EEF1AKMT1: variants seen among roughly 807,000 people sequenced by gnomAD.
EEF1AKMT1 encodes the protein N-6 adenine-specific DNA methyltransferase 2 (putative).
Under a neutral mutation model 21.0 loss-of-function variants are expected in EEF1AKMT1, and 18 were observed. The ratio of observed to expected loss-of-function variants is 0.86; its 90% CI spans 0.59 to 1.27. EEF1AKMT1 has a LOEUF of 1.27. Ranked by LOEUF, EEF1AKMT1 falls within the 50% of genes most tolerant of loss-of-function variation. The pLI, the probability that EEF1AKMT1 is intolerant of heterozygous loss-of-function variation, is 0.00. For synonymous variants in EEF1AKMT1, 109 were observed against 94.8 expected, an observed-to-expected ratio of 1.15 and a Z score of -0.87; for missense variants, 246 against 258.6, an observed-to-expected ratio of 0.95 and a Z score of 0.33.
chr13:20,760,773 CTT>C (rs34671169), intron 1 of EEF1AKMT1, among the ~76,000 whole-genome samples: 6,246 of 152,182 alleles, frequency 0.041, 302 homozygotes, highest in African/African-American at 0.11. Flanking sequence ...AATGGACACA[CTT>C]AATGCTGATG....
rs1491284836 is a variant in EEF1AKMT1 at position 20,748,725 on chromosome 13, GGT to G, written c.144+8728_144+8729del. 3.7e-3 allele frequency among the ~76,000 whole-genome samples: 253 copies of G among 68,642 alleles called. 4 individuals are homozygous for G. The highest frequency in any genetic ancestry group is 5.0e-3 in the Non-Finnish European group (189 of 38,058). The allele number at this position is 68,642 out of a possible 152,430, so 45.0% of individuals were successfully genotyped here. A position where few individuals can be genotyped will look rare whatever the true frequency, so the allele number is the denominator to read the frequency against. ...TCCTAATGTATAGTTGTTTTTTTTT[GGT>G]TTTTTTTTTTTTTTTTTTTTGAGAC... On this transcript the variant is annotated intron_variant, in intron 2 of 4. Coordinates refer to ENST00000382758, the MANE Select transcript of EEF1AKMT1 (RefSeq NM_001318939.2).
intron 2 of EEF1AKMT1, among the ~76,000 whole-genome samples, chr13:20,741,682 C>G (rs549837174): frequency 6.6e-6 from 1 of 152,034 alleles, no homozygotes; most frequent in Non-Finnish European, 1.5e-5. Flanking sequence ...GTCTCAATCT[C>G]TTGACTTCGT....
chr13:20,739,351 G>A (rs1356880049), intron 2 of EEF1AKMT1, among the ~76,000 whole-genome samples: 4 of 152,202 alleles, frequency 2.6e-5, no homozygotes, highest in East Asian at 1.9e-4. Flanking sequence ...CAAGAGGGTT[G>A]CCGCCGCTAA....
In EEF1AKMT1 at chr13:20,728,813, CAT is replaced by C. The variant is rs959157625; in HGVS notation, c.*265_*266del. The C allele has an allele frequency of 6.5e-6, 3 of 463,132 alleles. No homozygotes were observed. The highest frequency in any genetic ancestry group is 4.5e-5 in the South Asian group (2 of 44,428). 28.7% of individuals were successfully genotyped at this position (463,132 alleles called of 1,614,324 possible). On this transcript the variant is annotated 3_prime_UTR_variant, in exon 5 of 5. Transcript: ENST00000382758. ...ACACAACTGTTCTTCTGTTTTTACA[CAT>C]GTTAAATGAGGAGAGAAGATCAGGC... is the stretch of plus-strand genomic sequence containing the variant.
chr13:20,769,974 G>A (rs1034708533), intron 1 of EEF1AKMT1, among the ~76,000 whole-genome samples: 2 of 152,098 alleles, frequency 1.3e-5, no homozygotes, highest in Non-Finnish European at 2.9e-5. Context: ...AACATAAAAG[G>A]AGACTAAGTA....
At position 20,764,919 on chromosome 13, in the gene EEF1AKMT1, C is replaced by CTG. The variant is rs1181708175; in HGVS notation, c.-19-7303_-19-7302insCA. ...CACACACACACACACACACACACAC[C>CTG]CTAATTTTGAAGTGAGTTTCTTGTG... is the stretch of plus-strand genomic sequence containing the variant. On this transcript the variant is annotated intron_variant, in intron 1 of 4. Transcript: ENST00000382758. 2.4e-3 allele frequency among the ~76,000 whole-genome samples: 225 copies of CTG among 91,880 alleles called. 1 individual carries two copies. The highest frequency in any genetic ancestry group is 7.7e-3 in the African/African-American group (214 of 27,748). 60.3% of individuals were successfully genotyped at this position (91,880 alleles called of 152,430 possible).
At position 20,773,161 on chromosome 13, in the gene EEF1AKMT1, C is replaced by G. The variant is rs569634768; in HGVS notation, c.-20+760G>C. Among the ~76,000 whole-genome samples, 97 of 152,292 alleles carry G rather than the reference C, an allele frequency of 6.4e-4. 1 individual carries two copies. Among genetic ancestry groups the G allele is most frequent in the Admixed American group, 1.4e-3 (22 of 15,296 alleles). The stretch of plus-strand genomic sequence containing the variant: ...CTTGCTTTCCAGAATTCTATTTATC[C>G]TGTTTTTAAATTAACTTTAAAAAGG... On this transcript the variant is annotated intron_variant, in intron 1 of 4. Transcript: ENST00000382758.
chr13:20,732,812 T>A (rs747888196), intron 3 of EEF1AKMT1, among the ~76,000 whole-genome samples: 2 of 152,230 alleles, frequency 1.3e-5, no homozygotes, highest in Non-Finnish European at 2.9e-5. Context: ...CTAAATACTA[T>A]AAAGTCATTT....
At chr13:20,737,587 A>C (rs2058833503) in intron 3 of EEF1AKMT1, 136 bp downstream of exon 3, 2 of 688,242 alleles carry the variant, frequency 2.9e-6, no homozygotes, top group Admixed American at 5.5e-5. Flanking sequence ...AGCTGGTCTT[A>C]ATCTGTCATA....
At chr13:20,749,839 C>T (rs140515095) in intron 2 of EEF1AKMT1, among the ~76,000 whole-genome samples, 160 of 152,174 alleles carry the variant, frequency 1.1e-3, no homozygotes, top group Middle Eastern at 3.4e-3. Context: ...ACTCATAGTC[C>T]GAAGACTTTG....
chr13:20,730,619 G>A (rs2058787097), intron 4 of EEF1AKMT1, among the ~76,000 whole-genome samples: 1 of 152,210 alleles, frequency 6.6e-6, no homozygotes, highest in African/African-American at 2.4e-5. Flanking sequence ...ATCCCACTGA[G>A]AGGTGAAGCC....
Position 20,749,554 on chromosome 13 carries a change from A to G in EEF1AKMT1, c.144+7901T>C, listed in dbSNP as rs1410552559. ...TCTAAAATGTTTTTATTTTATCCTC[A>G]CACGAGTAATAGTTTAGCTGGGTAT... On this transcript the variant is annotated intron_variant, in intron 2 of 4. Transcript: ENST00000382758. Among the ~76,000 whole-genome samples, 3 of 152,156 alleles carry G rather than the reference A, an allele frequency of 2.0e-5. No individual in the cohort carries two copies. In the East Asian group the frequency reaches 5.8e-4, roughly 29 times the overall value.
chr13:20,762,286 G>T (rs370986044), intron 1 of EEF1AKMT1, among the ~76,000 whole-genome samples: 1 of 150,754 alleles, frequency 6.6e-6, no homozygotes, highest in Non-Finnish European at 1.5e-5. Context: ...GGGTTCAAGC[G>T]ATTCTCCCTG....
Position 20,762,693 on chromosome 13 carries a change from T to C in EEF1AKMT1, c.-19-5076A>G, listed in dbSNP as rs2059006923. Reference sequence around the variant, plus strand: ...CATGCCCGGCTAACATTTTTATTTTTTGTAGAGATGGGGTCCCACTCTGGT... The same window carrying C: ...CATGCCCGGCTAACATTTTTATTTTCTGTAGAGATGGGGTCCCACTCTGGT... On this transcript the variant is annotated intron_variant, in intron 1 of 4. Coordinates refer to ENST00000382758, the MANE Select transcript of EEF1AKMT1 (RefSeq NM_001318939.2). 2.0e-5 allele frequency among the ~76,000 whole-genome samples: 3 copies of C among 151,948 alleles called. No individual in the cohort carries two copies. The South Asian group carries it at 6.2e-4, about 32-fold the overall frequency.
At chr13:20,750,253 T>G (rs1247023302) in intron 2 of EEF1AKMT1, among the ~76,000 whole-genome samples, 1 of 152,178 alleles carries the variant, frequency 6.6e-6, no homozygotes, top group East Asian at 1.9e-4. Flanking sequence ...CACTAATTGT[T>G]AACTATAGTC....
intron 2 of EEF1AKMT1, among the ~76,000 whole-genome samples, chr13:20,752,681 T>C (rs189484919): frequency 4.6e-5 from 7 of 152,234 alleles, no homozygotes; most frequent in African/African-American, 1.7e-4. Flanking sequence ...GGGAGAATTC[T>C]CTCCACTTCA....
At chr13:20,735,551 C>T (rs142309862) in intron 3 of EEF1AKMT1, among the ~76,000 whole-genome samples, 170 of 152,206 alleles carry the variant, frequency 1.1e-3, no homozygotes, top group Non-Finnish European at 1.8e-3. Context: ...GAGAATCTTC[C>T]CTGGACCACT....
At chr13:20,763,803 T>C (rs1355218829) in intron 1 of EEF1AKMT1, among the ~76,000 whole-genome samples, 4 of 152,202 alleles carry the variant, frequency 2.6e-5, no homozygotes, top group Non-Finnish European at 2.9e-5. Context: ...ATTTAATACT[T>C]ACACGGCTAT....
At chr13:20,765,515 C>G (rs574583922) in intron 1 of EEF1AKMT1, among the ~76,000 whole-genome samples, 1 of 141,718 alleles carries the variant, frequency 7.1e-6, no homozygotes, top group Non-Finnish European at 1.5e-5. Flanking sequence ...TAGTTTCACA[C>G]GATTCCCCTG....
Sources: allele counts gnomAD v4.1 joint callset (sites outside exome capture counted in the v4.1 genomes callset), GRCh38; gene constraint gnomAD v4.1.1; transcripts MANE v1.5; gene names NCBI Gene and HGNC (gene_info 2026-07-23, HGNC 2026-07-21).